The following CERT1 variants were observed in gnomAD, a reference collection of about 807,000 sequenced individuals.
CERT1 encodes the protein ceramide transporter 1.
In CERT1, 31 loss-of-function variants were observed where a neutral mutation model predicts 87.9. That is an observed-to-expected ratio of 0.35 (90% CI 0.27 to 0.48). The LOEUF is 0.48. CERT1 is among the 20% of genes least tolerant of loss of function. CERT1 has a pLI of 0.99. For synonymous variants in CERT1, 289 were observed against 250.9 expected, an observed-to-expected ratio of 1.15 and a Z score of -1.44; for missense variants, 487 against 758.0, an observed-to-expected ratio of 0.64 and a Z score of 4.20.
intron 3 of CERT1, among the ~76,000 whole-genome samples, chr5:75,446,112 C>T (rs966156303): frequency 6.6e-6 from 1 of 152,178 alleles, no homozygotes; most frequent in Admixed American, 6.5e-5. Flanking sequence ...GCTCCTTTCT[C>T]TTTTCTCCTG....
At chr5:75,379,609 CG>C in intron 16 of CERT1, 136 bp from the exon 17 acceptor site, 3 of 812,348 alleles carry the variant, frequency 3.7e-6, no homozygotes, top group Non-Finnish European at 5.7e-6. Flanking sequence ...CTTTTTGAGA[CG>C]GAGTCTTGCT....
chr5:75,414,770 T>A (rs1310207038), intron 7 of CERT1, among the ~76,000 whole-genome samples: 1 of 152,166 alleles, frequency 6.6e-6, no homozygotes, highest in African/African-American at 2.4e-5. Flanking sequence ...AATTCTATTA[T>A]TAAATAGCTG....
chr5:75,505,727 A>T (rs1316459844), intron 2 of CERT1: 5 of 251,116 alleles, frequency 2.0e-5, no homozygotes, highest in Admixed American at 1.1e-4. Context: ...AAGGCTTCAA[A>T]CATTTTTTTT....
intron 12 of CERT1, among the ~76,000 whole-genome samples, chr5:75,388,621 T>TATATATATATATATCTCATGCATGC (rs1761905714): frequency 1.9e-5 from 2 of 103,688 alleles, no homozygotes; most frequent in African/African-American, 6.5e-5. Flanking sequence ...TATATATATA[T>TATATATATATATATCTCATGCATGC]ATATATATAT....
intron 2 of CERT1, 106 bp from the exon 3 acceptor site, chr5:75,459,287 C>T: frequency 1.6e-6 from 1 of 639,116 alleles, no homozygotes. Context: ...TGGTGGGAGA[C>T]TTGTTACTTT....
intron 2 of CERT1, among the ~76,000 whole-genome samples, chr5:75,482,937 T>C (rs538296393): frequency 3.3e-5 from 5 of 151,330 alleles, no homozygotes; most frequent in Admixed American, 2.0e-4. Context: ...AAGCCCACAC[T>C]GCGAAGACTG....
chr5:75,456,322 T>C (rs1764980041), intron 3 of CERT1, among the ~76,000 whole-genome samples: 1 of 152,060 alleles, frequency 6.6e-6, no homozygotes, highest in South Asian at 2.1e-4. Flanking sequence ...TAAATAATAT[T>C]AACAACAATT....
intron 2 of CERT1, among the ~76,000 whole-genome samples, chr5:75,484,696 T>C (rs1018172055): frequency 1.3e-5 from 2 of 151,634 alleles, no homozygotes; most frequent in African/African-American, 4.8e-5. Flanking sequence ...TAATAGTAAA[T>C]ATATATGCAA....
chr5:75,436,331 C>A (rs564076303), intron 3 of CERT1, among the ~76,000 whole-genome samples: 1 of 152,292 alleles, frequency 6.6e-6, no homozygotes, highest in East Asian at 1.9e-4. Context: ...CTGCACTCGG[C>A]CACCTGTGTG....
At chr5:75,498,323 T>C (rs1767173019) in intron 2 of CERT1, among the ~76,000 whole-genome samples, 1 of 152,210 alleles carries the variant, frequency 6.6e-6, no homozygotes, top group Non-Finnish European at 1.5e-5. Flanking sequence ...GAGCTAAATG[T>C]TATCACCAAG....
chr5:75,392,878 G>A (rs1331511924), intron 11 of CERT1, among the ~76,000 whole-genome samples: 1 of 145,630 alleles, frequency 6.9e-6, no homozygotes, highest in Non-Finnish European at 1.5e-5. Context: ...GCTGTGAAAG[G>A]AGAATAGCGT....
rs565479126 is a variant in CERT1, at chr5:75,379,385, G to A, written c.1836C>T (p.Tyr612=). The part of the protein sequence containing the change: ...YPKFLKRFTS[Y]VQEKTAGKPI... ...GCTTTCCTGCAGTTTTTTCTTGGAC[G>A]TAAGAAGTAAAACGTTTTAGAAATT... The change falls in exon 17 of 17, where the codon TAC becomes TAT. Residue 612 remains tyrosine, a synonymous_variant. Coordinates refer to ENST00000643780, the MANE Select transcript of CERT1 (RefSeq NM_001379029.1). The A allele has an allele frequency of 7.4e-6, 12 of 1,613,546 alleles. No homozygotes were observed. Among genetic ancestry groups the A allele is most frequent in the East Asian group, 4.5e-5 (2 of 44,848 alleles).
intron 11 of CERT1, among the ~76,000 whole-genome samples, chr5:75,390,279 C>T (rs1761977620): frequency 6.6e-6 from 1 of 152,146 alleles, no homozygotes. Flanking sequence ...ATAAACCTCT[C>T]TTTTATCATG....
intron 11 of CERT1, among the ~76,000 whole-genome samples, chr5:75,394,207 T>C (rs978821497): frequency 1.3e-5 from 2 of 152,110 alleles, no homozygotes; most frequent in African/African-American, 4.8e-5. Context: ...AATGAAGAGT[T>C]TGGCAGTAAA....
At chr5:75,493,794 T>A (rs984650162) in intron 2 of CERT1, among the ~76,000 whole-genome samples, 6 of 152,170 alleles carry the variant, frequency 3.9e-5, no homozygotes, top group African/African-American at 1.4e-4. Context: ...GTTCAGATGT[T>A]AGAACTCCTG....
chr5:75,388,599 CATATAT>C (rs59799780), intron 12 of CERT1, among the ~76,000 whole-genome samples: 1,892 of 91,706 alleles, frequency 0.021, 50 homozygotes, highest in Admixed American at 0.038. Flanking sequence ...AGCATGCATG[CATATAT>C]ATATATATAT....
chr5:75,488,396 CT>C (rs1290771506), intron 2 of CERT1, among the ~76,000 whole-genome samples: 1 of 151,888 alleles, frequency 6.6e-6, no homozygotes, highest in Admixed American at 6.6e-5. Context: ...AAAATAGTAA[CT>C]TGAAAATGTT....
intron 11 of CERT1, among the ~76,000 whole-genome samples, chr5:75,397,592 C>T (rs1282473054): frequency 6.6e-6 from 1 of 152,070 alleles, no homozygotes; most frequent in Admixed American, 6.6e-5. Context: ...TCATTTATAG[C>T]CTATGTATTC....
chr5:75,482,731 G>A lies in CERT1; in HGVS notation c.231+23251C>T, dbSNP rs552541211. Among the ~76,000 whole-genome samples the A allele has an allele frequency of 7.2e-5, 11 of 152,248 alleles. No individual in the cohort carries two copies. The East Asian group carries it at 1.9e-3, about 27-fold the overall frequency. ...GGGTAGAGGACAAGAGTTTCCGCCT[G>A]GTAATCCAGAGAATTCTCTTGGATT... On this transcript the variant is annotated intron_variant, in intron 2 of 16. Coordinates refer to ENST00000643780, the MANE Select transcript of CERT1 (RefSeq NM_001379029.1).
Sources: gnomAD v4.1 joint callset for allele counts (sites outside exome capture counted in the v4.1 genomes callset) on GRCh38, gnomAD v4.1.1 for gene constraint, MANE v1.5 for transcripts, NCBI Gene and HGNC (gene_info 2026-07-23, HGNC 2026-07-21) for gene names.